Variants in FHL2 observed in about 807,000 individuals in gnomAD.
The protein encoded by FHL2 is four and a half LIM domains protein 2.
In FHL2, 20 loss-of-function variants were observed where a neutral mutation model predicts 32.7. The ratio of observed to expected loss-of-function variants is 0.61; its 90% CI spans 0.43 to 0.89. FHL2 has a LOEUF of 0.89. Among genes scored for constraint, FHL2 ranks in the 40% least tolerant of loss-of-function variants. The pLI is 0.00. For missense variants in FHL2, 311 were observed against 358.6 expected, an observed-to-expected ratio of 0.87 and a Z score of 1.07; for synonymous variants, 123 against 128.1, an observed-to-expected ratio of 0.96 and a Z score of 0.27.
chr2:105,402,235 ATG>A (rs897787727), upstream of FHL2, among the ~76,000 whole-genome samples: 3 of 141,196 alleles, frequency 2.1e-5, no homozygotes, highest in East Asian at 4.0e-4. Flanking sequence ...GTATATATAT[ATG>A]TGTGTGTGTG....
chr2:105,399,124 G>A, upstream of FHL2: 2 of 1,401,388 alleles, frequency 1.4e-6, no homozygotes, highest in South Asian at 1.6e-5. Flanking sequence ...TGCACGCCTC[G>A]GCTCGCTGGC....
intron 5 of FHL2, among the ~76,000 whole-genome samples, chr2:105,366,314 A>G (rs1400616796): frequency 6.6e-6 from 1 of 152,244 alleles, no homozygotes; most frequent in Admixed American, 6.5e-5. Flanking sequence ...ATTCTTGCCC[A>G]GGCCAGCCAG....
In FHL2 at chr2:105,396,217, C is replaced by A. The variant is rs191853243; in HGVS notation, c.-25+430G>T. Among the ~76,000 whole-genome samples the A allele has an allele frequency of 1.5e-3, 229 of 152,212 alleles. 1 individual carries two copies. The highest frequency in any genetic ancestry group is 6.6e-4 in the Non-Finnish European group (45 of 68,020). The stretch of plus-strand genomic sequence containing the variant: ...CACAATTACGAAGGTGAAAAAGTCC[C>A]AAGACCTGCAGTCAGTAGGCTGGAG... On this transcript the variant is annotated intron_variant, in intron 2 of 6. Coordinates refer to ENST00000530340, the MANE Select transcript of FHL2 (RefSeq NM_001318895.3).
chr2:105,382,237 A>ATGATTCAG lies in FHL2; in HGVS notation c.156+4123_156+4124insCTGAATCA, dbSNP rs1166563442. Among the ~76,000 whole-genome samples, 170 of 152,352 alleles carry ATGATTCAG rather than the reference A, an allele frequency of 1.1e-3. 3 individuals are homozygous for ATGATTCAG. Among genetic ancestry groups the ATGATTCAG allele is most frequent in the African/African-American group, 3.9e-3 (163 of 41,590 alleles). ...TCAATTCTGCAATGTAATCATCACC[A>ATGATTCAG]TCTAAAGGGGCCCATGAGAAGAGTA... On this transcript the variant is annotated intron_variant, in intron 3 of 6. Transcript: ENST00000530340.
rs377249184 is a variant in FHL2, at chr2:105,363,044, T to A, written c.688+241A>T. 144 of 490,872 alleles carry A rather than the reference T, an allele frequency of 2.9e-4. 1 individual carries two copies. The highest frequency in any genetic ancestry group is 2.2e-3 in the South Asian group (70 of 31,782). The allele number at this position is 490,872 out of a possible 1,614,324, so 30.4% of individuals were successfully genotyped here. A position where few individuals can be genotyped will look rare whatever the true frequency, so the allele number is the denominator to read the frequency against. On this transcript the variant is annotated intron_variant, in intron 6 of 6. Transcript: ENST00000530340. ...CGATAATCCAACCCAAAGCAGAAAC[T>A]AAACTGGAGCACTGGCCATATGGTT...
intron 3 of FHL2, among the ~76,000 whole-genome samples, chr2:105,380,092 G>A (rs768713700): frequency 6.6e-6 from 1 of 152,202 alleles, no homozygotes; most frequent in East Asian, 1.9e-4. Context: ...AGGAGGAAGT[G>A]AGGAAAGACT....
chr2:105,377,405 C>T (rs938919649), intron 3 of FHL2, among the ~76,000 whole-genome samples: 71 of 152,118 alleles, frequency 4.7e-4, no homozygotes, highest in African/African-American at 1.6e-3. Context: ...CCGAGGCAGG[C>T]GGATCACCTG....
intron 4 of FHL2, among the ~76,000 whole-genome samples, chr2:105,371,199 G>C (rs1035870652): frequency 6.6e-6 from 1 of 152,024 alleles, no homozygotes; most frequent in South Asian, 2.1e-4. Context: ...CAGTTGTTTG[G>C]TCAAAAAACA....
At chr2:105,423,470 T>G (rs1684166818) in intron 1 of FHL2, among the ~76,000 whole-genome samples, 1 of 152,226 alleles carries the variant, frequency 6.6e-6, no homozygotes, top group Non-Finnish European at 1.5e-5. Flanking sequence ...TAACAGTATT[T>G]TTAGCTATTT....
intron 2 of FHL2, among the ~76,000 whole-genome samples, chr2:105,391,678 A>C (rs1682746049): frequency 6.6e-6 from 1 of 152,204 alleles, no homozygotes; most frequent in African/African-American, 2.4e-5. Context: ...AATGACTCCT[A>C]AAAAATGTAT....
chr2:105,437,877 G>T (rs1684658862), intron 1 of FHL2, among the ~76,000 whole-genome samples: 2 of 152,174 alleles, frequency 1.3e-5, no homozygotes, highest in African/African-American at 4.8e-5. Flanking sequence ...GCTGCGAAGA[G>T]TCATGTTGCA....
chr2:105,436,696 T>C (rs919675954), intron 1 of FHL2, among the ~76,000 whole-genome samples: 1 of 152,182 alleles, frequency 6.6e-6, no homozygotes, highest in Admixed American at 6.5e-5. Context: ...AATCTTTCAA[T>C]CAAAGATATC....
chr2:105,423,251 G>GAA, intron 1 of FHL2, among the ~76,000 whole-genome samples: 1 of 152,318 alleles, frequency 6.6e-6, no homozygotes, highest in African/African-American at 2.4e-5. Context: ...CTTTTAGAAT[G>GAA]ATTGGAAATT....
At chr2:105,363,061 C>T (rs1003173567) in intron 6 of FHL2, 2 of 537,594 alleles carry the variant, frequency 3.7e-6, no homozygotes, top group African/African-American at 3.8e-5. Flanking sequence ...GAGCACTGGC[C>T]ATATGGTTGT....
intron 1 of FHL2, among the ~76,000 whole-genome samples, chr2:105,432,819 C>A (rs980018662): frequency 6.6e-6 from 1 of 152,156 alleles, no homozygotes; most frequent in African/African-American, 2.4e-5. Flanking sequence ...CTGATTGCGT[C>A]CAAAAAATTC....
chr2:105,428,486 C>T (rs755659059), intron 1 of FHL2, among the ~76,000 whole-genome samples: 7 of 152,346 alleles, frequency 4.6e-5, no homozygotes, highest in East Asian at 1.9e-4. Flanking sequence ...GAATTACCTT[C>T]GGGATCTTTC....
rs141105486 is a variant in FHL2 at position 105,372,004 on chromosome 2, C to G, written c.331+1555G>C. ...AAGAGGCCTTCTTGCCTGGAGCTGC[C>G]CCATCTAAAGTCACCATGCAGCCCT... On this transcript the variant is annotated intron_variant, in intron 4 of 6. Transcript: ENST00000530340. Among the ~76,000 whole-genome samples the G allele has an allele frequency of 2.0e-3, 306 of 152,216 alleles. 2 individuals carry two copies. Among genetic ancestry groups the G allele is most frequent in the African/African-American group, 7.1e-3 (293 of 41,528 alleles).
At chr2:105,407,391 CAAAAAAAAA>C (rs35638962) in intron 1 of FHL2, among the ~76,000 whole-genome samples, 1 of 78,492 alleles carries the variant, frequency 1.3e-5, no homozygotes, top group Non-Finnish European at 2.6e-5. Context: ...GACTCTGTCT[CAAAAAAAAA>C]AAAAAAAAAG....
intron 1 of FHL2, among the ~76,000 whole-genome samples, chr2:105,407,418 A>C (rs980199058): frequency 1.3e-5 from 2 of 151,178 alleles, no homozygotes; most frequent in African/African-American, 2.4e-5. Context: ...AAGAAGAAGG[A>C]AAGAAAATGC....
Sources: allele counts gnomAD v4.1 joint callset (sites outside exome capture counted in the v4.1 genomes callset), GRCh38; gene constraint gnomAD v4.1.1; transcripts MANE v1.5; gene names NCBI Gene and HGNC (gene_info 2026-07-23, HGNC 2026-07-21).